Variants in KCTD16 observed in about 807,000 individuals in gnomAD.
KCTD16 encodes the protein BTB/POZ domain-containing protein KCTD16.
A neutral mutation model predicts 33.2 loss-of-function variants in KCTD16; 13 were observed. The ratio of observed to expected loss-of-function variants is 0.39; its 90% CI spans 0.25 to 0.62. The LOEUF (loss-of-function observed/expected upper bound fraction) is 0.62. Among genes scored for constraint, KCTD16 ranks in the 20% least tolerant of loss-of-function variants. The pLI is 0.50. For missense variants in KCTD16, 441 were observed against 525.1 expected, an observed-to-expected ratio of 0.84 and a Z score of 1.57; for synonymous variants, 197 against 195.3, an observed-to-expected ratio of 1.01 and a Z score of -0.07.
intron 3 of KCTD16, among the ~76,000 whole-genome samples, chr5:144,470,333 T>C (rs989888620): frequency 2.2e-4 from 33 of 152,256 alleles, no homozygotes; most frequent in East Asian, 1.9e-4. Context: ...ATTAGGTTCT[T>C]GGGAAGAGGG....
At chr5:144,464,221 T>C (rs1054680447) in intron 3 of KCTD16, among the ~76,000 whole-genome samples, 2 of 152,198 alleles carry the variant, frequency 1.3e-5, no homozygotes, top group Admixed American at 1.3e-4. Flanking sequence ...ATATAAGTGA[T>C]GGAACAAGCA....
chr5:144,208,068 C>T (rs188815462), intron 3 of KCTD16, among the ~76,000 whole-genome samples: 15 of 152,278 alleles, frequency 9.9e-5, no homozygotes, highest in Admixed American at 9.8e-4. Context: ...TGCTGAAAGG[C>T]CCCCTGCTCC....
At chr5:144,194,604 T>G (rs1376628274) in intron 2 of KCTD16, among the ~76,000 whole-genome samples, 1 of 152,230 alleles carries the variant, frequency 6.6e-6, no homozygotes, top group Admixed American at 6.5e-5. Context: ...TTGTTGAGCA[T>G]TTACTATGGG....
At chr5:144,460,121 C>T (rs1390534198) in intron 3 of KCTD16, among the ~76,000 whole-genome samples, 1 of 152,038 alleles carries the variant, frequency 6.6e-6, no homozygotes, top group Non-Finnish European at 1.5e-5. Context: ...CGTGAGCCAC[C>T]GCACCCGGCC....
intron 3 of KCTD16, among the ~76,000 whole-genome samples, chr5:144,383,353 A>C (rs1752255882): frequency 6.6e-6 from 1 of 152,006 alleles, no homozygotes; most frequent in Non-Finnish European, 1.5e-5. Flanking sequence ...TTGTTGAGTT[A>C]TTCACTCCCT....
At chr5:144,384,668 T>C (rs1228241148) in intron 3 of KCTD16, among the ~76,000 whole-genome samples, 1 of 152,190 alleles carries the variant, frequency 6.6e-6, no homozygotes, top group Non-Finnish European at 1.5e-5. Flanking sequence ...TTTACAAATA[T>C]TCTATTGTTC....
intron 2 of KCTD16, among the ~76,000 whole-genome samples, chr5:144,189,491 A>G (rs1819977): frequency 0.45 from 66,069 of 146,444 alleles, 15,767 homozygotes; most frequent in African/African-American, 0.61. Context: ...GTGAGACTCC[A>G]TCTCAAAAAA....
At position 144,386,928 on chromosome 5, in the gene KCTD16, C is replaced by G. The variant is rs1752336179; in HGVS notation, c.833-86732C>G. On this transcript the variant is annotated intron_variant, in intron 3 of 3. Transcript: ENST00000512467. ...TTGTAAAAGACAACTCCAGGCTCAC[C>G]CAACTAAAATAGCTTACATCTGTAG... 1.3e-5 allele frequency among the ~76,000 whole-genome samples: 2 copies of G among 152,118 alleles called. 1 individual carries two copies. The highest frequency in any genetic ancestry group is 3.9e-4 in the East Asian group (2 of 5,164).
chr5:144,202,105 A>G (rs897804975), intron 2 of KCTD16, among the ~76,000 whole-genome samples: 2 of 152,260 alleles, frequency 1.3e-5, no homozygotes, highest in Admixed American at 6.5e-5. Flanking sequence ...ATATGCTTGA[A>G]TATTACAAAG....
intron 3 of KCTD16, among the ~76,000 whole-genome samples, chr5:144,348,114 A>C (rs1752853855): frequency 6.6e-6 from 1 of 152,126 alleles, no homozygotes; most frequent in Non-Finnish European, 1.5e-5. Flanking sequence ...CAATGCCTGT[A>C]ACTTTCCTAT....
At chr5:144,398,380 T>C (rs1752626439) in intron 3 of KCTD16, among the ~76,000 whole-genome samples, 1 of 152,222 alleles carries the variant, frequency 6.6e-6, no homozygotes, top group Admixed American at 6.5e-5. Flanking sequence ...TATTAAATCC[T>C]AGTTTTCCTC....
intron 3 of KCTD16, among the ~76,000 whole-genome samples, chr5:144,392,223 G>A (rs1447276236): frequency 6.6e-6 from 1 of 152,094 alleles, no homozygotes; most frequent in Non-Finnish European, 1.5e-5. Context: ...CAATGCAGGG[G>A]GAAAAGCACA....
chr5:144,355,081 G>T (rs573161360), intron 3 of KCTD16, among the ~76,000 whole-genome samples: 1 of 152,210 alleles, frequency 6.6e-6, no homozygotes, highest in Admixed American at 6.5e-5. Context: ...ATTTTATAGA[G>T]ATGAAACAAG....
chr5:144,284,412 C>T (rs780478068), intron 3 of KCTD16, among the ~76,000 whole-genome samples: 5 of 152,188 alleles, frequency 3.3e-5, no homozygotes, highest in African/African-American at 7.2e-5. Flanking sequence ...CTTCCTACTT[C>T]GCAGCGTGGC....
intron 3 of KCTD16, among the ~76,000 whole-genome samples, chr5:144,466,620 A>C (rs1323746188): frequency 6.6e-6 from 1 of 152,016 alleles, no homozygotes; most frequent in Non-Finnish European, 1.5e-5. Flanking sequence ...GAAAATTTTC[A>C]TGTTTGAATA....
Position 144,207,119 on chromosome 5 carries a change from C to T in KCTD16, c.405C>T (p.Cys135=), listed in dbSNP as rs117464471. The T allele has an allele frequency of 5.3e-4, 853 of 1,610,502 alleles. 6 individuals carry two copies. The Admixed American group carries it at 8.2e-3, about 15-fold the overall frequency. ...TCAAGCAAAGCCCAGATGAATTCTG[C>T]CACAGTGACTTTGAAGATGCCTCCC... ...DEIKQSPDEF[C]HSDFEDASQG... Residue 135 remains cysteine, a synonymous_variant, in exon 3 of 4, where the codon TGC becomes TGT. Coordinates refer to ENST00000512467, the MANE Select transcript of KCTD16 (RefSeq NM_020768.4).
intron 3 of KCTD16, among the ~76,000 whole-genome samples, chr5:144,224,221 A>T (rs1753854824): frequency 6.6e-6 from 1 of 152,042 alleles, no homozygotes; most frequent in Non-Finnish European, 1.5e-5. Flanking sequence ...TTTTTTTTAT[A>T]ACAACAAAAA....
intron 2 of KCTD16, among the ~76,000 whole-genome samples, chr5:144,202,247 A>G (rs987828027): frequency 6.6e-6 from 1 of 152,144 alleles, no homozygotes; most frequent in Non-Finnish European, 1.5e-5. Flanking sequence ...TAATAACACT[A>G]GCGGTGTTAT....
chr5:144,322,002 TAAATC>T (rs1370460395), intron 3 of KCTD16, among the ~76,000 whole-genome samples: 8 of 152,110 alleles, frequency 5.3e-5, no homozygotes, highest in Non-Finnish European at 8.8e-5. Flanking sequence ...AAAATACAGA[TAAATC>T]AAAATAAAGT....
Sources: allele counts gnomAD v4.1 joint callset (sites outside exome capture counted in the v4.1 genomes callset), GRCh38; gene constraint gnomAD v4.1.1; transcripts MANE v1.5; gene names NCBI Gene and HGNC (gene_info 2026-07-23, HGNC 2026-07-21).